FBXL17: variants seen among roughly 807,000 people sequenced by gnomAD.
FBXL17 encodes F-box and leucine rich repeat protein 17.
FBXL17 carries 22 observed loss-of-function variants against 66.2 expected under a neutral mutation model. The observed-to-expected ratio is 0.33, with a 90% CI of 0.24 to 0.47. The LOEUF is 0.47. Among genes scored for constraint, FBXL17 ranks in the 20% least tolerant of loss-of-function variants. FBXL17 has a pLI of 1.00. For missense variants in FBXL17, 878 were observed against 948.2 expected, an observed-to-expected ratio of 0.93 and a Z score of 0.97; for synonymous variants, 474 against 400.5, an observed-to-expected ratio of 1.18 and a Z score of -2.19.
chr5:108,302,477 T>C (rs1424668787), intron 4 of FBXL17, among the ~76,000 whole-genome samples: 1 of 151,822 alleles, frequency 6.6e-6, no homozygotes, highest in Non-Finnish European at 1.5e-5. Context: ...AATTAGCCTA[T>C]CATTGCCTAG....
chr5:107,942,561 C>T (rs997519005), intron 7 of FBXL17, among the ~76,000 whole-genome samples: 1 of 152,124 alleles, frequency 6.6e-6, no homozygotes, highest in Non-Finnish European at 1.5e-5. Flanking sequence ...AGGGAGAGAA[C>T]CAGGACATTT....
intron 4 of FBXL17, among the ~76,000 whole-genome samples, chr5:108,262,070 A>ATTTTTTT (rs200282593): frequency 5.8e-5 from 8 of 138,930 alleles, no homozygotes; most frequent in African/African-American, 2.5e-4. Flanking sequence ...TTATTTATTT[A>ATTTTTTT]TTTATTTATT....
At chr5:108,090,016 T>C (rs1296821262) in intron 6 of FBXL17, among the ~76,000 whole-genome samples, 1 of 152,044 alleles carries the variant, frequency 6.6e-6, no homozygotes, top group East Asian at 1.9e-4. Flanking sequence ...TTTGTAGAGA[T>C]GGGGTTTAGC....
chr5:108,132,632 A>C (rs1295468465), intron 6 of FBXL17, among the ~76,000 whole-genome samples: 1 of 152,200 alleles, frequency 6.6e-6, no homozygotes, highest in East Asian at 1.9e-4. Flanking sequence ...TTTGATTAGC[A>C]AGTACAAAAA....
chr5:107,909,448 A>G (rs1315030456), intron 7 of FBXL17, among the ~76,000 whole-genome samples: 1 of 152,200 alleles, frequency 6.6e-6, no homozygotes, highest in Non-Finnish European at 1.5e-5. Flanking sequence ...ATGGAACTTT[A>G]GGAAGGTGGT....
At position 108,255,462 on chromosome 5, in the gene FBXL17, G is replaced by A. The variant is rs566996486; in HGVS notation, c.1507-31234C>T. Among the ~76,000 whole-genome samples the A allele has an allele frequency of 2.6e-5, 4 of 152,234 alleles. 1 individual carries two copies. Among genetic ancestry groups the A allele is most frequent in the South Asian group, 4.1e-4 (2 of 4,822 alleles). ...ATTCATAAAAGAGGAAGAACAGATA[G>A]CAGGCTTTCTTTTCACTTTTTTAAT... On this transcript the variant is annotated intron_variant, in intron 4 of 8. Coordinates refer to ENST00000542267, the MANE Select transcript of FBXL17 (RefSeq NM_001163315.3).
intron 4 of FBXL17, among the ~76,000 whole-genome samples, chr5:108,280,280 C>T (rs1177557896): frequency 6.6e-6 from 1 of 152,122 alleles, no homozygotes; most frequent in Non-Finnish European, 1.5e-5. Context: ...GCTGACTTCT[C>T]AGCAGAAACC....
intron 6 of FBXL17, among the ~76,000 whole-genome samples, chr5:108,094,497 C>T (rs1275092375): frequency 6.6e-6 from 1 of 152,076 alleles, no homozygotes; most frequent in East Asian, 1.9e-4. Context: ...CACATCCATT[C>T]CATCTCTCTC....
chr5:108,116,282 C>T (rs286811), intron 6 of FBXL17, among the ~76,000 whole-genome samples: 4 of 151,882 alleles, frequency 2.6e-5, no homozygotes, highest in Admixed American at 6.6e-5. Context: ...TAGGTAGTTA[C>T]GAGGTTAATA....
intron 6 of FBXL17, among the ~76,000 whole-genome samples, chr5:108,181,723 T>C (rs1320542084): frequency 9.9e-5 from 15 of 152,284 alleles, no homozygotes; most frequent in Non-Finnish European, 1.5e-5. Context: ...ATAGGTATTG[T>C]ATATAAATTA....
At chr5:108,107,721 A>AGGCT (rs1749859371) in intron 6 of FBXL17, among the ~76,000 whole-genome samples, 1 of 151,084 alleles carries the variant, frequency 6.6e-6, no homozygotes, top group African/African-American at 2.4e-5. Context: ...CTGAGGCAGG[A>AGGCT]GAATGGCATG....
intron 4 of FBXL17, among the ~76,000 whole-genome samples, chr5:108,253,115 C>T (rs1001607107): frequency 3.9e-5 from 6 of 152,014 alleles, no homozygotes; most frequent in African/African-American, 9.7e-5. Flanking sequence ...AAATTGTAAC[C>T]GCATGATCAA....
intron 7 of FBXL17, among the ~76,000 whole-genome samples, chr5:107,906,314 T>C (rs772124983): frequency 6.6e-6 from 1 of 152,092 alleles, no homozygotes; most frequent in Non-Finnish European, 1.5e-5. Context: ...TAATGCTTAA[T>C]TGATAAAAAC....
chr5:108,278,728 C>A (rs1352698202), intron 4 of FBXL17, among the ~76,000 whole-genome samples: 1 of 152,196 alleles, frequency 6.6e-6, no homozygotes, highest in Non-Finnish European at 1.5e-5. Context: ...TGACCCCACC[C>A]TCCCTGTGGC....
chr5:107,899,362 G>T (rs1195455489), intron 7 of FBXL17, among the ~76,000 whole-genome samples: 2 of 152,146 alleles, frequency 1.3e-5, no homozygotes, highest in African/African-American at 4.8e-5. Flanking sequence ...TCAAAGAGTT[G>T]TAAGGGCTGG....
rs147157701 is a variant in FBXL17, at chr5:108,119,812, T to A, written c.1745+66305A>T. On this transcript the variant is annotated intron_variant, in intron 6 of 8. Coordinates refer to ENST00000542267, the MANE Select transcript of FBXL17 (RefSeq NM_001163315.3). Reference sequence around the variant, plus strand: ...TCATTTCCCTATGATTTTAAATAATTCTGTAGAACAAAATTTAGTAAAGAT... The same window carrying A: ...TCATTTCCCTATGATTTTAAATAATACTGTAGAACAAAATTTAGTAAAGAT... Among the ~76,000 whole-genome samples the A allele has an allele frequency of 2.3e-3, 347 of 152,218 alleles. 5 individuals carry two copies. The highest frequency in any genetic ancestry group is 4.1e-3 in the Admixed American group (63 of 15,284).
At chr5:108,358,736 GAA>G (rs1179395598) in intron 3 of FBXL17, among the ~76,000 whole-genome samples, 2 of 152,018 alleles carry the variant, frequency 1.3e-5, no homozygotes, top group African/African-American at 2.4e-5. Flanking sequence ...CAATTTTTTT[GAA>G]AGAGTTTGAG....
intron 7 of FBXL17, among the ~76,000 whole-genome samples, chr5:107,975,051 T>G (rs1048578467): frequency 5.3e-5 from 8 of 152,206 alleles, no homozygotes; most frequent in Non-Finnish European, 1.2e-4. Context: ...AAAAATATAG[T>G]AAGATTATAG....
intron 3 of FBXL17, among the ~76,000 whole-genome samples, chr5:108,359,791 A>G (rs933630013): frequency 6.6e-6 from 1 of 152,084 alleles, no homozygotes; most frequent in Non-Finnish European, 1.5e-5. Flanking sequence ...TGTACTGTAC[A>G]TATCTGCTAG....
Sources: gnomAD v4.1 joint callset for allele counts (sites outside exome capture counted in the v4.1 genomes callset) on GRCh38, gnomAD v4.1.1 for gene constraint, MANE v1.5 for transcripts, NCBI Gene and HGNC (gene_info 2026-07-23, HGNC 2026-07-21) for gene names.